CDH12: variants seen among roughly 807,000 people sequenced by gnomAD.
The protein encoded by CDH12 is cadherin-12.
A neutral mutation model predicts 74.1 loss-of-function variants in CDH12; 41 were observed. The ratio of observed to expected loss-of-function variants is 0.55; its 90% confidence interval spans 0.43 to 0.72. The LOEUF is 0.72. CDH12 is among the 30% of genes least tolerant of loss of function. The pLI, the probability that CDH12 is intolerant of heterozygous loss-of-function variation, is 0.00. For synonymous variants in CDH12, 399 were observed against 355.0 expected, an observed-to-expected ratio of 1.12 and a Z score of -1.39; for missense variants, 945 against 977.2, an observed-to-expected ratio of 0.97 and a Z score of 0.44.
intron 8 of CDH12, among the ~76,000 whole-genome samples, chr5:21,823,886 T>A (rs933963178): frequency 1.3e-5 from 2 of 152,122 alleles, no homozygotes; most frequent in Non-Finnish European, 2.9e-5. Flanking sequence ...CTTTTTTTTT[T>A]ATTTGTCTCT....
At chr5:21,797,757 T>G (rs1206869636) in intron 10 of CDH12, among the ~76,000 whole-genome samples, 2 of 152,190 alleles carry the variant, frequency 1.3e-5, no homozygotes, top group East Asian at 3.8e-4. Context: ...GGGTCTTGAC[T>G]GTAACAATTT....
intron 4 of CDH12, among the ~76,000 whole-genome samples, chr5:22,171,442 G>A (rs1206315455): frequency 6.6e-6 from 1 of 151,906 alleles, no homozygotes; most frequent in African/African-American, 2.4e-5. Flanking sequence ...TAATATGAGT[G>A]TAATACATAT....
intron 1 of CDH12, among the ~76,000 whole-genome samples, chr5:22,707,828 A>G (rs911172275): frequency 5.9e-5 from 9 of 152,160 alleles, no homozygotes. Flanking sequence ...TAAAATTAGT[A>G]ACACATTTAT....
intron 1 of CDH12, among the ~76,000 whole-genome samples, chr5:22,703,900 T>G (rs1457962417): frequency 1.3e-5 from 2 of 152,198 alleles, no homozygotes; most frequent in Non-Finnish European, 2.9e-5. Context: ...ACATGCTGTT[T>G]TTTATTAAAA....
intron 1 of CDH12, among the ~76,000 whole-genome samples, chr5:22,791,084 T>C (rs1747882015): frequency 6.6e-6 from 1 of 152,110 alleles, no homozygotes. Flanking sequence ...TCAAAGAATA[T>C]AAAGAACACA....
intron 5 of CDH12, among the ~76,000 whole-genome samples, chr5:21,978,019 TTAAA>T (rs1356829865): frequency 6.6e-6 from 1 of 152,190 alleles, no homozygotes; most frequent in East Asian, 1.9e-4. Context: ...AATTTTGATA[TTAAA>T]TAAATGACAT....
chr5:22,799,145 C>A (rs1748379120), intron 1 of CDH12, among the ~76,000 whole-genome samples: 1 of 151,850 alleles, frequency 6.6e-6, no homozygotes, highest in South Asian at 2.1e-4. Flanking sequence ...ACAAACAAAA[C>A]CACAAAACAG....
intron 1 of CDH12, among the ~76,000 whole-genome samples, chr5:22,773,611 TC>T (rs1746929748): frequency 6.6e-6 from 1 of 151,960 alleles, no homozygotes; most frequent in Non-Finnish European, 1.5e-5. Flanking sequence ...TGACTATTCC[TC>T]AAAAGCAATT....
intron 4 of CDH12, among the ~76,000 whole-genome samples, chr5:22,127,266 T>A (rs1580293362): frequency 6.6e-6 from 1 of 151,212 alleles, no homozygotes; most frequent in Non-Finnish European, 1.5e-5. Context: ...GGCCGAGAGG[T>A]CAGGAGTTCA....
chr5:21,809,841 A>T (rs150179692), intron 9 of CDH12, among the ~76,000 whole-genome samples: 2 of 152,144 alleles, frequency 1.3e-5, no homozygotes, highest in Non-Finnish European at 2.9e-5. Flanking sequence ...TGTATTTTCA[A>T]TATGAGAACC....
At chr5:22,167,755 T>C (rs759920246) in intron 4 of CDH12, among the ~76,000 whole-genome samples, 6 of 152,160 alleles carry the variant, frequency 3.9e-5, no homozygotes, top group Non-Finnish European at 8.8e-5. Flanking sequence ...TCTTTTACGA[T>C]GTACTATGTC....
chr5:22,179,942 G>A (rs532137515), intron 4 of CDH12, among the ~76,000 whole-genome samples: 68 of 152,128 alleles, frequency 4.5e-4, no homozygotes, highest in Non-Finnish European at 9.1e-4. Context: ...AAATAGAGTG[G>A]GTAAATTCAC....
chr5:21,940,533 G>C lies in CDH12; in HGVS notation c.526+34558C>G, dbSNP rs137989663. ...GCTATTTCAAAAAACAGTTAAGCTT[G>C]TTCCAAAAACTCACTGCCATCCCAC... On this transcript the variant is annotated intron_variant, in intron 6 of 14. Transcript: ENST00000382254. 7.5e-3 allele frequency among the ~76,000 whole-genome samples: 1,147 copies of C among 152,202 alleles called. 14 individuals carry two copies. The highest frequency in any genetic ancestry group is 0.026 in the African/African-American group (1,089 of 41,534).
Position 21,975,016 on chromosome 5 carries a change from T to A in CDH12, c.526+75A>T, listed in dbSNP as rs1756999388. 6 of 861,842 alleles carry A rather than the reference T, an allele frequency of 7.0e-6. No homozygotes were observed. In the South Asian group the frequency reaches 8.3e-5, roughly 12 times the overall value. 53.4% of individuals were successfully genotyped at this position (861,842 alleles called of 1,614,324 possible). ...ATTCTTTTAGATGATAGATAAGATGTTTACATCAACCTGCAAAAAGTCAAT... is the reference window on the plus strand; with the variant it reads ...ATTCTTTTAGATGATAGATAAGATGATTACATCAACCTGCAAAAAGTCAAT... On this transcript the variant is annotated intron_variant, in intron 6 of 14. Coordinates refer to ENST00000382254, the MANE Select transcript of CDH12 (RefSeq NM_004061.5).
chr5:21,928,602 T>C (rs1402998438), intron 6 of CDH12, among the ~76,000 whole-genome samples: 1 of 152,192 alleles, frequency 6.6e-6, no homozygotes, highest in Non-Finnish European at 1.5e-5. Flanking sequence ...TTATCAGCCA[T>C]TTGTGTCACT....
chr5:21,908,536 C>G (rs1475523443), intron 6 of CDH12, among the ~76,000 whole-genome samples: 1 of 152,126 alleles, frequency 6.6e-6, no homozygotes, highest in Non-Finnish European at 1.5e-5. Context: ...GAAGCTCTCT[C>G]CAAGGCCTTT....
intron 5 of CDH12, among the ~76,000 whole-genome samples, chr5:22,008,266 G>C (rs1014609095): frequency 7.3e-5 from 11 of 151,082 alleles, no homozygotes; most frequent in African/African-American, 2.7e-4. Flanking sequence ...GTCTCGCTCT[G>C]TCACCCAGGC....
chr5:21,997,584 G>T (rs1736370598), intron 5 of CDH12, among the ~76,000 whole-genome samples: 2 of 151,990 alleles, frequency 1.3e-5, no homozygotes, highest in African/African-American at 4.8e-5. Flanking sequence ...CAATAGACCG[G>T]ACTTAAAAAT....
chr5:22,489,216 C>T (rs1272787896), intron 2 of CDH12, among the ~76,000 whole-genome samples: 2 of 151,374 alleles, frequency 1.3e-5, no homozygotes, highest in Non-Finnish European at 2.9e-5. Flanking sequence ...CACCACCACA[C>T]CTGGCTAATT....
Sources: gnomAD v4.1 joint callset for allele counts (sites outside exome capture counted in the v4.1 genomes callset) on GRCh38, gnomAD v4.1.1 for gene constraint, MANE v1.5 for transcripts, NCBI Gene and HGNC (gene_info 2026-07-23, HGNC 2026-07-21) for gene names.